ZNF566: variants seen among roughly 807,000 people sequenced by gnomAD.
ZNF566 encodes the protein zinc finger protein 566.
Under a neutral mutation model 32.8 loss-of-function variants are expected in ZNF566, and 27 were observed. That is an observed-to-expected ratio of 0.82 (90% CI 0.61 to 1.14). ZNF566 has a LOEUF of 1.14. Ranked by LOEUF, ZNF566 falls within the 50% of genes most tolerant of loss-of-function variation. The pLI, the probability that ZNF566 is intolerant of heterozygous loss-of-function variation, is 0.00. For synonymous variants in ZNF566, 154 were observed against 159.5 expected (o/e 0.97, Z 0.26); for missense variants, 402 against 490.4 (o/e 0.82, Z 1.70).
At chr19:36,467,048 G>T (rs1196899639) in intron 4 of ZNF566, among the ~76,000 whole-genome samples, 3 of 147,118 alleles carry the variant, frequency 2.0e-5, no homozygotes, top group Non-Finnish European at 4.5e-5. Context: ...CACCCTGGGT[G>T]ACAGAGCGAG....
intron 4 of ZNF566, among the ~76,000 whole-genome samples, chr19:36,462,050 A>C (rs1177361221): frequency 6.7e-6 from 1 of 148,322 alleles, no homozygotes; most frequent in Admixed American, 6.8e-5. Flanking sequence ...GTGCAATGGC[A>C]TGATCTCGGC....
chr19:36,457,897 A>C (rs886665307), intron 4 of ZNF566, among the ~76,000 whole-genome samples: 1 of 139,870 alleles, frequency 7.1e-6, no homozygotes. Context: ...GTCTCAAAAA[A>C]ATAAACAAAC....
At chr19:36,453,152 A>C (rs777957178) in intron 4 of ZNF566, among the ~76,000 whole-genome samples, 47 of 151,402 alleles carry the variant, frequency 3.1e-4, no homozygotes, top group Middle Eastern at 3.4e-3. Flanking sequence ...AACAAACAAA[A>C]AAAAAGTTAA....
At position 36,448,923 on chromosome 19, in the gene ZNF566, C is replaced by CT. The variant is rs1736819753; in HGVS notation, c.*53dup. 1 of 1,381,900 alleles carries CT rather than the reference C, an allele frequency of 7.2e-7. No homozygotes were observed. The allele number at this position is 1,381,900 out of a possible 1,614,324, so 85.6% of individuals were successfully genotyped here. ...AGAGGAATTATTAACAAGATAAATT[C>CT]TGTTTTGAGCCATAATTAAAAGCCT... On this transcript the variant is annotated 3_prime_UTR_variant, in exon 5 of 5. Coordinates refer to ENST00000452939, the MANE Select transcript of ZNF566 (RefSeq NM_001145344.1).
At chr19:36,472,807 G>T in intron 4 of ZNF566, 104 bp downstream of exon 4, 1 of 869,700 alleles carries the variant, frequency 1.1e-6, no homozygotes. Context: ...TCTTACATTT[G>T]CACAACAGGC....
At chr19:36,461,055 G>A (rs2033448213) in intron 4 of ZNF566, among the ~76,000 whole-genome samples, 1 of 152,152 alleles carries the variant, frequency 6.6e-6, no homozygotes, top group African/African-American at 2.4e-5. Flanking sequence ...GTGAGAGTAG[G>A]CAATAGTGGG....
intron 3 of ZNF566, 61 bp downstream of exon 3, chr19:36,473,271 C>T: frequency 6.3e-7 from 1 of 1,595,674 alleles, no homozygotes; most frequent in Non-Finnish European, 8.6e-7. Flanking sequence ...GAGCATTTCA[C>T]ATTGGAGGAA....
chr19:36,487,897 C>CA (rs201784748), intron 1 of ZNF566, among the ~76,000 whole-genome samples: 2,833 of 75,204 alleles, frequency 0.038, 271 homozygotes, highest in East Asian at 0.086. Flanking sequence ...GACTCTGTCT[C>CA]AAAAAAAAAA....
At chr19:36,474,595 G>A (rs953592809) in intron 2 of ZNF566, among the ~76,000 whole-genome samples, 25 of 152,228 alleles carry the variant, frequency 1.6e-4, no homozygotes, top group African/African-American at 5.8e-4. Context: ...TGGGTTTATC[G>A]AAAAATGGTA....
chr19:36,469,540 C>T (rs1466492015), intron 4 of ZNF566, among the ~76,000 whole-genome samples: 3 of 151,308 alleles, frequency 2.0e-5, no homozygotes, highest in African/African-American at 7.3e-5. Context: ...AACTCCATCT[C>T]GAAAACAAAG....
chr19:36,455,684 G>C (rs1411782455), intron 4 of ZNF566, among the ~76,000 whole-genome samples: 2 of 151,998 alleles, frequency 1.3e-5, no homozygotes, highest in Non-Finnish European at 2.9e-5. Context: ...AGGTTGCAGC[G>C]AGCCAAGATC....
At chr19:36,478,142 C>A (rs1025759051) in intron 1 of ZNF566, among the ~76,000 whole-genome samples, 1 of 151,742 alleles carries the variant, frequency 6.6e-6, no homozygotes, top group Non-Finnish European at 1.5e-5. Context: ...CTTCCTCTAC[C>A]CATAGGCACT....
At chr19:36,454,223 C>A (rs2967535) in intron 4 of ZNF566, among the ~76,000 whole-genome samples, 38,311 of 151,924 alleles carry the variant, frequency 0.25, 4,916 homozygotes, top group South Asian at 0.37. Context: ...TATTAACTTA[C>A]AATAGACTGT....
chr19:36,476,381 G>T, intron 2 of ZNF566, 168 bp downstream of exon 2: 13 of 486,840 alleles, frequency 2.7e-5, no homozygotes, highest in South Asian at 1.2e-4. Context: ...GAATTGGCCT[G>T]TTAGAGATCC....
At chr19:36,458,204 T>C (rs779664843) in intron 4 of ZNF566, among the ~76,000 whole-genome samples, 7 of 151,962 alleles carry the variant, frequency 4.6e-5, no homozygotes, top group East Asian at 3.9e-4. Flanking sequence ...AATGGATAAA[T>C]TGATAAAGAA....
chr19:36,461,125 C>G (rs916631742), intron 4 of ZNF566, among the ~76,000 whole-genome samples: 1 of 152,100 alleles, frequency 6.6e-6, no homozygotes, highest in African/African-American at 2.4e-5. Context: ...CTTGTTAAAT[C>G]CAGGAGACAG....
At chr19:36,478,790 G>A (rs2033957909) in intron 1 of ZNF566, among the ~76,000 whole-genome samples, 1 of 152,150 alleles carries the variant, frequency 6.6e-6, no homozygotes, top group South Asian at 2.1e-4. Context: ...ATTTCCCAGG[G>A]TTATTTATGC....
intron 4 of ZNF566, among the ~76,000 whole-genome samples, chr19:36,466,252 G>A (rs932184465): frequency 6.6e-6 from 1 of 152,186 alleles, no homozygotes; most frequent in Admixed American, 6.5e-5. Context: ...CCTTGTGGCA[G>A]GCAAAGATAT....
intron 4 of ZNF566, among the ~76,000 whole-genome samples, chr19:36,458,220 G>GA (rs980463435): frequency 4.0e-5 from 6 of 150,208 alleles, no homozygotes; most frequent in African/African-American, 1.5e-4. Context: ...AAGAAAATGT[G>GA]ATGTGTGGGC....
Sources: gnomAD v4.1 joint callset for allele counts (sites outside exome capture counted in the v4.1 genomes callset) on GRCh38, gnomAD v4.1.1 for gene constraint, MANE v1.5 for transcripts, NCBI Gene and HGNC (gene_info 2026-07-23, HGNC 2026-07-21) for gene names.